RIOK3: variants seen among roughly 807,000 people sequenced by gnomAD.
RIOK3 encodes the protein serine/threonine-protein kinase RIO3.
Under a neutral mutation model 63.5 loss-of-function variants are expected in RIOK3, and 40 were observed. The ratio of observed to expected loss-of-function variants is 0.63; its 90% CI spans 0.49 to 0.82. RIOK3 has a LOEUF of 0.82. RIOK3 is among the 40% of genes least tolerant of loss of function. RIOK3 has a pLI of 0.00. For synonymous variants in RIOK3, 193 were observed against 205.0 expected (o/e 0.94, Z 0.50); for missense variants, 557 against 637.0 (o/e 0.87, Z 1.35).
intron 6 of RIOK3, among the ~76,000 whole-genome samples, chr18:23,467,015 A>G (rs1460600608): frequency 7.5e-6 from 1 of 133,866 alleles, no homozygotes; most frequent in African/African-American, 2.6e-5. Flanking sequence ...CTCTGTCTCT[A>G]AAAAAAAAAA....
chr18:23,477,041 C>T lies in RIOK3; in HGVS notation c.1209C>T (p.Val403=). Residue 403 remains valine (V), a synonymous_variant, in exon 10 of 13, where the codon GTC becomes GTT. Transcript: ENST00000339486. ...MRQLYHECTL[V]HADLSEYNML... is the part of the protein sequence containing the mutation. ...AGTTATATCATGAATGTACGCTTGT[C>T]CATGCTGACCTCAGTGAGTATAACA... 2 of 1,613,904 alleles carry T rather than the reference C, an allele frequency of 1.2e-6. No individual in the cohort carries two copies. The highest frequency in any genetic ancestry group is 1.7e-6 in the Non-Finnish European group (2 of 1,179,916).
intron 8 of RIOK3, 150 bp from the exon 9 acceptor site, chr18:23,474,798 A>C (rs905804215): frequency 1.7e-6 from 1 of 600,100 alleles, no homozygotes; most frequent in Non-Finnish European, 2.9e-6. Context: ...CTATGGGCAG[A>C]GGCTGTGTTT....
At chr18:23,459,945 C>T (rs1038826650) in intron 1 of RIOK3, among the ~76,000 whole-genome samples, 3 of 152,208 alleles carry the variant, frequency 2.0e-5, no homozygotes, top group Admixed American at 6.5e-5. Context: ...TCGCCTGCCT[C>T]GGCCTCTCAA....
At chr18:23,479,252 T>C in intron 11 of RIOK3, 65 bp from the exon 12 acceptor site, 2 of 989,148 alleles carry the variant, frequency 2.0e-6, no homozygotes, top group Non-Finnish European at 3.2e-6. Context: ...TGCTGCTCCC[T>C]GTTTTTAGTT....
chr18:23,453,461 T>C lies in RIOK3; in HGVS notation c.22T>C (p.Ser8Pro). The C allele has an allele frequency of 6.2e-7, 1 of 1,613,878 alleles. No homozygotes were observed. The highest frequency in any genetic ancestry group is 8.5e-7 in the Non-Finnish European group (1 of 1,179,896). The change falls in exon 1 of 13, where the codon TCG (serine) becomes CCG (proline). Residue 8 changes from serine to proline, a missense_variant. By Grantham distance (74) the Ser-to-Pro change is moderately conservative (BLOSUM62 -1). Coordinates refer to ENST00000339486, the MANE Select transcript of RIOK3 (RefSeq NM_003831.5). MDLVGVA[S>P]PEPGTAAAWG... ...CCGAATGGATCTGGTAGGAGTGGCA[T>C]CGCCTGAGCCCGGGACGGCAGCGGC... is the stretch of plus-strand genomic sequence containing the variant.
rs2057545110 is a variant in RIOK3 at position 23,482,995 on chromosome 18, T to G, written c.*1716T>G. 1 of 152,238 alleles carries G rather than the reference T, an allele frequency of 6.6e-6. No individual in the cohort carries two copies. The highest frequency in any genetic ancestry group is 2.1e-4 in the South Asian group (1 of 4,832). 9.4% of individuals were successfully genotyped at this position (152,238 alleles called of 1,614,324 possible). A position where few individuals can be genotyped will look rare whatever the true frequency, so the allele number is the denominator to read the frequency against. On this transcript the variant is annotated 3_prime_UTR_variant, in exon 13 of 13. Coordinates refer to ENST00000339486, the MANE Select transcript of RIOK3 (RefSeq NM_003831.5). ...TTACAGAAATTTCAGAGAACTAATT[T>G]TTAAAATCTTTAGCATTTAAAACTT... is the stretch of plus-strand genomic sequence containing the variant.
In RIOK3 at chr18:23,481,197, A is replaced by G; in HGVS notation, c.1478A>G (p.Glu493Gly). 6.2e-7 allele frequency: 1 copy of G among 1,611,894 alleles called. No individual in the cohort carries two copies. The highest frequency in any genetic ancestry group is 1.1e-5 in the South Asian group (1 of 90,818). Residue 493 changes from glutamate to glycine, a missense_variant, in exon 13 of 13, where the codon GAA becomes GGA. Glu to Gly is a moderately conservative substitution (Grantham distance 98). Transcript: ENST00000339486. ...AEIEALEKMNEDHVQKNGRKA... is the reference protein window; with the variant it reads ...AEIEALEKMNGDHVQKNGRKA... ...ATAGAAGCTTTGGAGAAAATGAATG[A>G]AGATCACGTTCAGAAGAATGGAAGG... is the stretch of plus-strand genomic sequence containing the variant.
chr18:23,459,951 C>T (rs901765905), intron 1 of RIOK3, among the ~76,000 whole-genome samples: 27 of 152,330 alleles, frequency 1.8e-4, no homozygotes, highest in African/African-American at 6.3e-4. Flanking sequence ...GCCTCGGCCT[C>T]TCAAAGTGCT....
At chr18:23,462,351 G>T (rs2145675083) in intron 1 of RIOK3, among the ~76,000 whole-genome samples, 1 of 152,158 alleles carries the variant, frequency 6.6e-6, no homozygotes, top group African/African-American at 2.4e-5. Context: ...ATGTTGGCCA[G>T]GCTGGTCTCA....
intron 11 of RIOK3, 108 bp downstream of exon 11, chr18:23,477,376 G>T: frequency 1.2e-6 from 1 of 850,718 alleles, no homozygotes; most frequent in Non-Finnish European, 2.0e-6. Flanking sequence ...ATTGAAGGAA[G>T]GGATACGGGC....
chr18:23,473,238 G>C (rs1468378124), intron 7 of RIOK3, among the ~76,000 whole-genome samples, 191 bp from the exon 8 acceptor site: 1 of 152,076 alleles, frequency 6.6e-6, no homozygotes, highest in African/African-American at 2.4e-5. Context: ...TTATTTGAAA[G>C]TATATTTTAT....
chr18:23,468,857 G>A (rs116550326), intron 7 of RIOK3, among the ~76,000 whole-genome samples: 75 of 152,308 alleles, frequency 4.9e-4, no homozygotes, highest in African/African-American at 1.7e-3. Flanking sequence ...GGCTTAACTA[G>A]GTTCTCTGTT....
intron 6 of RIOK3, 110 bp downstream of exon 6, chr18:23,466,386 C>A: frequency 1.1e-6 from 1 of 876,208 alleles, no homozygotes; most frequent in Non-Finnish European, 1.7e-6. Flanking sequence ...ATGAGATTGG[C>A]TTTTTAAATC....
intron 1 of RIOK3, among the ~76,000 whole-genome samples, chr18:23,460,343 G>A (rs1270715835): frequency 6.6e-6 from 1 of 152,174 alleles, no homozygotes; most frequent in Non-Finnish European, 1.5e-5. Flanking sequence ...AGGGCAGTTT[G>A]CTTCACACAT....
chr18:23,465,367 G>T (rs778519987), intron 5 of RIOK3, among the ~76,000 whole-genome samples: 1 of 151,662 alleles, frequency 6.6e-6, no homozygotes, highest in Non-Finnish European at 1.5e-5. Flanking sequence ...GTGAAACTCT[G>T]CCTCAAAAAA....
At chr18:23,456,924 C>T (rs1286461452) in intron 1 of RIOK3, among the ~76,000 whole-genome samples, 3 of 152,048 alleles carry the variant, frequency 2.0e-5, no homozygotes, top group African/African-American at 7.2e-5. Context: ...TGAGAACAAA[C>T]TGGGTTAAAT....
At chr18:23,460,629 A>G (rs974837965) in intron 1 of RIOK3, among the ~76,000 whole-genome samples, 2 of 152,190 alleles carry the variant, frequency 1.3e-5, no homozygotes, top group African/African-American at 2.4e-5. Flanking sequence ...ACTGTTAGTC[A>G]TTGCCAAATG....
chr18:23,481,357 G>A lies in RIOK3; in HGVS notation c.*78G>A. On this transcript the variant is annotated 3_prime_UTR_variant, in exon 13 of 13. Transcript: ENST00000339486. ...TAGCAAATGAAGTTATGGGTGACTTGAAATACCAAAACCTGAGGAGTGGGC... is the reference window on the plus strand; with the variant it reads ...TAGCAAATGAAGTTATGGGTGACTTAAAATACCAAAACCTGAGGAGTGGGC... The A allele has an allele frequency of 1.1e-6, 1 of 900,748 alleles. No individual in the cohort carries two copies. Among genetic ancestry groups the A allele is most frequent in the Non-Finnish European group, 1.7e-6 (1 of 590,662 alleles). The allele number at this position is 900,748 out of a possible 1,614,324, so 55.8% of individuals were successfully genotyped here.
intron 1 of RIOK3, among the ~76,000 whole-genome samples, chr18:23,458,201 G>A (rs2057353067): frequency 6.6e-6 from 1 of 151,634 alleles, no homozygotes; most frequent in Non-Finnish European, 1.5e-5. Context: ...CACTGCCCCC[G>A]GCTGCTGTTT....
Sources: gnomAD v4.1 joint callset for allele counts (sites outside exome capture counted in the v4.1 genomes callset) on GRCh38, gnomAD v4.1.1 for gene constraint, MANE v1.5 for transcripts, NCBI Gene and HGNC (gene_info 2026-07-23, HGNC 2026-07-21) for gene names.